ERG: variants seen among roughly 807,000 people sequenced by gnomAD.
The protein encoded by ERG is ETS transcription factor ERG, also known as transcriptional regulator ERG.
ERG carries 9 observed loss-of-function variants against 55.3 expected under a neutral mutation model. That is an observed-to-expected ratio of 0.16 (90% CI 0.10 to 0.28). The LOEUF is 0.28. Ranked by LOEUF, ERG falls within the 10% of genes least tolerant of loss-of-function variation. ERG has a pLI of 1.00. For synonymous variants in ERG, 223 were observed against 237.3 expected, an observed-to-expected ratio of 0.94 and a Z score of 0.55; for missense variants, 434 against 631.6, an observed-to-expected ratio of 0.69 and a Z score of 3.35.
At chr21:38,631,306 A>C (rs1357675339) in intron 1 of ERG, among the ~76,000 whole-genome samples, 1 of 152,184 alleles carries the variant, frequency 6.6e-6, no homozygotes, top group African/African-American at 2.4e-5. Flanking sequence ...GGTTTCACAT[A>C]CTCACATGGT....
At chr21:38,515,095 G>C (rs1317588487) in intron 2 of ERG, among the ~76,000 whole-genome samples, 1 of 151,856 alleles carries the variant, frequency 6.6e-6, no homozygotes, top group Non-Finnish European at 1.5e-5. Context: ...AAAATAAATG[G>C]ATAGATATAT....
chr21:38,523,871 T>TC (rs1460692683), intron 2 of ERG, among the ~76,000 whole-genome samples: 2 of 152,150 alleles, frequency 1.3e-5, no homozygotes, highest in East Asian at 3.8e-4. Context: ...TCTCCATCCA[T>TC]CTCAGAATAC....
chr21:38,630,927 C>A (rs2060352691), intron 1 of ERG, among the ~76,000 whole-genome samples: 2 of 152,062 alleles, frequency 1.3e-5, no homozygotes, highest in African/African-American at 4.8e-5. Flanking sequence ...CTGAGAAGCA[C>A]TACAAAGAAA....
Position 38,423,500 on chromosome 21 carries a change from C to T in ERG, c.298G>A (p.Val100Ile), listed in dbSNP as rs140580933. Residue 100 changes from valine (V) to isoleucine (I), a missense_variant, in exon 3 of 10, where the codon GTT (valine) becomes ATT (isoleucine). Physicochemically the swap from Val to Ile is conservative, Grantham distance 29. Transcript: ENST00000288319. ...GGKMVGSPDT[V>I]GMNYGSYMEE... is the part of the protein sequence containing the mutation. ...ATGTAGCTGCCGTAGTTCATCCCAACGGTGTCTGGGCTGCCCACCATCTTC... is the reference window on the plus strand; with the variant it reads ...ATGTAGCTGCCGTAGTTCATCCCAATGGTGTCTGGGCTGCCCACCATCTTC... 93 of 1,614,016 alleles carry T rather than the reference C, an allele frequency of 5.8e-5. No individual in the cohort carries two copies. Among genetic ancestry groups the T allele is most frequent in the East Asian group, 2.2e-4 (10 of 44,896 alleles).
chr21:38,554,674 G>A (rs1444739654), intron 2 of ERG, among the ~76,000 whole-genome samples: 1 of 152,146 alleles, frequency 6.6e-6, no homozygotes, highest in Non-Finnish European at 1.5e-5. Flanking sequence ...GCTGCTTGAG[G>A]GTGGAGGGTA....
chr21:38,442,876 C>A (rs529748677), intron 2 of ERG, among the ~76,000 whole-genome samples: 1 of 152,146 alleles, frequency 6.6e-6, no homozygotes, highest in Non-Finnish European at 1.5e-5. Context: ...GGCGCGATCT[C>A]GGCTCACTGC....
At chr21:38,601,187 A>G (rs2060162512) in intron 1 of ERG, among the ~76,000 whole-genome samples, 1 of 152,198 alleles carries the variant, frequency 6.6e-6, no homozygotes, top group African/African-American at 2.4e-5. Context: ...CAGATGACAG[A>G]GTCCACAACG....
At chr21:38,476,039 T>G (rs186818909) in intron 1 of ERG, among the ~76,000 whole-genome samples, 1 of 152,304 alleles carries the variant, frequency 6.6e-6, no homozygotes, top group African/African-American at 2.4e-5. Context: ...CAGGCAAATA[T>G]GTCATGATGA....
At chr21:38,397,964 C>A (rs140710858) in intron 6 of ERG, among the ~76,000 whole-genome samples, 1 of 152,076 alleles carries the variant, frequency 6.6e-6, no homozygotes, top group Non-Finnish European at 1.5e-5. Context: ...TCGGTTCCCT[C>A]GGATGTGGGA....
intron 2 of ERG, among the ~76,000 whole-genome samples, chr21:38,560,761 G>A (rs1006284882): frequency 2.0e-5 from 3 of 152,084 alleles, no homozygotes; most frequent in South Asian, 2.1e-4. Context: ...TACCCATGAC[G>A]CTATTTAGCC....
chr21:38,510,573 A>T (rs1402055632), intron 2 of ERG, among the ~76,000 whole-genome samples: 1 of 152,188 alleles, frequency 6.6e-6, no homozygotes, highest in Admixed American at 6.5e-5. Context: ...TTTGTCTTTA[A>T]AAGAGTGGAA....
chr21:38,586,154 C>A (rs1268363952), upstream of ERG, among the ~76,000 whole-genome samples: 2 of 111,528 alleles, frequency 1.8e-5, no homozygotes, highest in East Asian at 2.8e-4. Flanking sequence ...ATATATTTAC[C>A]GTGTACAACA....
chr21:38,437,867 G>A (rs758368694), intron 2 of ERG, among the ~76,000 whole-genome samples: 3 of 152,278 alleles, frequency 2.0e-5, no homozygotes, highest in Non-Finnish European at 4.4e-5. Flanking sequence ...TTCTCAGGAA[G>A]ACTTCAACAC....
At chr21:38,487,718 G>C (rs942620229) in intron 1 of ERG, among the ~76,000 whole-genome samples, 1 of 152,204 alleles carries the variant, frequency 6.6e-6, no homozygotes, top group Non-Finnish European at 1.5e-5. Context: ...TCACAGAAAG[G>C]TAACAAGCTG....
chr21:38,642,156 T>C (rs1460264655), intron 1 of ERG, among the ~76,000 whole-genome samples: 1 of 152,246 alleles, frequency 6.6e-6, no homozygotes, highest in African/African-American at 2.4e-5. Context: ...ATACTTCTAA[T>C]GTGCTGGTAA....
Position 38,383,125 on chromosome 21 carries a change from C to T in ERG, c.*278G>A. 1.7e-6 allele frequency: 2 copies of T among 1,174,032 alleles called. No individual in the cohort carries two copies. The highest frequency in any genetic ancestry group is 2.1e-6 in the Non-Finnish European group (2 of 950,738). 72.7% of individuals were successfully genotyped at this position (1,174,032 alleles called of 1,614,324 possible). ...AGACCACTTTCTTTGGCACTTTGTCCTTAAGACTTCATGCTTCTACATACA... is the reference window on the plus strand; with the variant it reads ...AGACCACTTTCTTTGGCACTTTGTCTTTAAGACTTCATGCTTCTACATACA... On this transcript the variant is annotated 3_prime_UTR_variant, in exon 10 of 10. Coordinates refer to ENST00000288319, the MANE Select transcript of ERG (RefSeq NM_182918.4). The surrounding 1 kb of genome is among the most constrained non-coding windows in gnomAD (Gnocchi z 5.7).
chr21:38,424,533 C>A (rs925083233), intron 2 of ERG, among the ~76,000 whole-genome samples: 19 of 152,192 alleles, frequency 1.2e-4, no homozygotes, highest in African/African-American at 4.6e-4. Flanking sequence ...TCTGTGACAA[C>A]TGATTGGGGA....
chr21:38,511,963 G>T (rs1216414511), intron 2 of ERG, among the ~76,000 whole-genome samples: 1 of 152,188 alleles, frequency 6.6e-6, no homozygotes, highest in Non-Finnish European at 1.5e-5. Context: ...AGAACCACTG[G>T]AACAGAGCAA....
At chr21:38,391,831 T>A in intron 7 of ERG, 116 bp from the exon 8 acceptor site, 1 of 798,204 alleles carries the variant, frequency 1.3e-6, no homozygotes, top group Non-Finnish European at 2.0e-6. Context: ...ATAGTCTAAC[T>A]CAGAAGCATC....
Sources: allele counts gnomAD v4.1 joint callset (sites outside exome capture counted in the v4.1 genomes callset), GRCh38; gene constraint gnomAD v4.1.1; non-coding constraint Gnocchi (gnomAD v3.1); transcripts MANE v1.5; gene names NCBI Gene and HGNC (gene_info 2026-07-23, HGNC 2026-07-21).